Variants in PALLD observed in about 807,000 individuals in gnomAD.
PALLD encodes palladin.
A neutral mutation model predicts 123.5 loss-of-function variants in PALLD; 61 were observed. The observed-to-expected ratio is 0.49, with a 90% CI of 0.40 to 0.61. The LOEUF (loss-of-function observed/expected upper bound fraction) is 0.61, where lower values mean the gene tolerates loss of function less well. Among genes scored for constraint, PALLD ranks in the 20% least tolerant of loss-of-function variants. The probability of loss-of-function intolerance (pLI) is 0.00; values close to 1 mark genes in which losing one functional copy is unlikely to be tolerated. For synonymous variants in PALLD, 465 were observed against 496.4 expected (o/e 0.94, Z 0.84); for missense variants, 1,273 against 1,377.0 (o/e 0.92, Z 1.20).
At chr4:168,870,998 A>C (rs1335595440) in intron 10 of PALLD, among the ~76,000 whole-genome samples, 1 of 152,220 alleles carries the variant, frequency 6.6e-6, no homozygotes, top group Non-Finnish European at 1.5e-5. Context: ...CTTCCCTGTG[A>C]GTAAAGAGGA....
rs115880252 is a variant in PALLD at position 168,560,076 on chromosome 4, T to A, written c.908+47664T>A. On this transcript the variant is annotated intron_variant, in intron 2 of 21. Coordinates refer to ENST00000505667, the MANE Select transcript of PALLD (RefSeq NM_001166108.2). ...GAAGTAATTCAAGGTACCCTCAATA[T>A]ATGCTGTCAGGTAGAGTATAAAGGG... Among the ~76,000 whole-genome samples, 331 of 152,304 alleles carry A rather than the reference T, an allele frequency of 2.2e-3. 2 individuals are homozygous for A. Among genetic ancestry groups the A allele is most frequent in the African/African-American group, 7.7e-3 (322 of 41,550 alleles).
intron 8 of PALLD, among the ~76,000 whole-genome samples, chr4:168,702,221 C>T (rs1783744007): frequency 6.6e-6 from 1 of 152,074 alleles, no homozygotes; most frequent in South Asian, 2.1e-4. Context: ...AAAAAAAGAA[C>T]ATCAGCTCTA....
chr4:168,792,541 G>C (rs1247031903), intron 10 of PALLD, among the ~76,000 whole-genome samples: 1 of 151,740 alleles, frequency 6.6e-6, no homozygotes. Flanking sequence ...ACTCCAAGAA[G>C]CTTTCCTTCG....
chr4:168,499,286 GGGAGGGAGGATGGGAGGGAGGAA>G, intron 1 of PALLD, among the ~76,000 whole-genome samples: 1 of 73,838 alleles, frequency 1.4e-5, no homozygotes, highest in South Asian at 4.7e-4. Flanking sequence ...GAGGGAGGAT[GGGAGGGAGGATGGGAGGGAGGAA>G]GGGAGGGAGA....
At chr4:168,625,514 T>G (rs76130296) in intron 2 of PALLD, among the ~76,000 whole-genome samples, 910 of 45,066 alleles carry the variant, frequency 0.02, 38 homozygotes, top group Middle Eastern at 0.1. Context: ...TATATATATA[T>G]ATATCCTATA....
chr4:168,828,651 T>C lies in PALLD; in HGVS notation c.1965-62271T>C, dbSNP rs56269921. On this transcript the variant is annotated intron_variant, in intron 10 of 21. Transcript: ENST00000505667. ...CACTATTTTCATTGTGAGAAAAATA[T>C]GAAAAGGAATGATTTGAAGGTTACT... Among the ~76,000 whole-genome samples the C allele has an allele frequency of 7.1e-3, 1,088 of 152,388 alleles. 8 individuals are homozygous for C. Among genetic ancestry groups the C allele is most frequent in the African/African-American group, 0.025 (1,042 of 41,590 alleles).
intron 10 of PALLD, among the ~76,000 whole-genome samples, chr4:168,859,310 C>A (rs1247133560): frequency 6.6e-6 from 1 of 152,140 alleles, no homozygotes; most frequent in East Asian, 1.9e-4. Flanking sequence ...ACAACTGTGG[C>A]CTTGTAGTTG....
chr4:168,908,128 G>A (rs914701270), intron 15 of PALLD, among the ~76,000 whole-genome samples: 1 of 152,176 alleles, frequency 6.6e-6, no homozygotes, highest in African/African-American at 2.4e-5. Flanking sequence ...CCAAGTTTCT[G>A]AGCATGTTGC....
At chr4:168,547,412 T>A (rs1356514084) in intron 2 of PALLD, among the ~76,000 whole-genome samples, 1 of 151,886 alleles carries the variant, frequency 6.6e-6, no homozygotes, top group African/African-American at 2.4e-5. Flanking sequence ...TGGAGCCCTC[T>A]GGGGTAACTG....
chr4:168,551,013 CCAGTGA>C (rs1480278080), intron 2 of PALLD, among the ~76,000 whole-genome samples: 1 of 152,192 alleles, frequency 6.6e-6, no homozygotes, highest in African/African-American at 2.4e-5. Flanking sequence ...TTTTATAAAT[CCAGTGA>C]CAAAGTTTAG....
intron 2 of PALLD, among the ~76,000 whole-genome samples, chr4:168,640,697 C>T (rs1776851885): frequency 6.6e-6 from 1 of 152,224 alleles, no homozygotes; most frequent in African/African-American, 2.4e-5. Context: ...TTATAAATCA[C>T]TTATCTCCAT....
At chr4:168,892,605 A>C (rs1199088667) in intron 11 of PALLD, among the ~76,000 whole-genome samples, 7 of 152,176 alleles carry the variant, frequency 4.6e-5, no homozygotes, top group Non-Finnish European at 5.9e-5. Flanking sequence ...GAAATAAGTG[A>C]TTGCATGTGT....
intron 2 of PALLD, among the ~76,000 whole-genome samples, chr4:168,624,000 T>C (rs1298280999): frequency 1.3e-5 from 2 of 152,168 alleles, no homozygotes; most frequent in Admixed American, 1.3e-4. Context: ...TATCTCCATA[T>C]TATCTAACAT....
chr4:168,712,125 C>T (rs1784889610), intron 10 of PALLD: 2 of 615,914 alleles, frequency 3.2e-6, no homozygotes, highest in African/African-American at 1.8e-5. Flanking sequence ...GTGAAATCTG[C>T]CCTTTGCTGA....
chr4:168,765,564 C>A (rs1219905668), intron 10 of PALLD, among the ~76,000 whole-genome samples: 1 of 152,194 alleles, frequency 6.6e-6, no homozygotes, highest in East Asian at 1.9e-4. Context: ...CGTTCATGGA[C>A]AAGAAGTTCA....
chr4:168,762,452 G>A (rs1167300665), intron 10 of PALLD, among the ~76,000 whole-genome samples: 2 of 152,200 alleles, frequency 1.3e-5, no homozygotes, highest in East Asian at 1.9e-4. Flanking sequence ...CAGCCTGGGC[G>A]ACTGGAGTGA....
At chr4:168,885,666 G>C (rs932188302) in intron 10 of PALLD, among the ~76,000 whole-genome samples, 1 of 152,218 alleles carries the variant, frequency 6.6e-6, no homozygotes, top group Non-Finnish European at 1.5e-5. Flanking sequence ...TGGAGCTCAT[G>C]CTTGTTGAAG....
At chr4:168,737,037 G>A (rs996263059) in intron 10 of PALLD, among the ~76,000 whole-genome samples, 3 of 152,196 alleles carry the variant, frequency 2.0e-5, no homozygotes, top group Non-Finnish European at 2.9e-5. Flanking sequence ...ACCTTTTGGA[G>A]CACAATTGGA....
At chr4:168,849,917 A>T in intron 10 of PALLD, among the ~76,000 whole-genome samples, 1 of 152,174 alleles carries the variant, frequency 6.6e-6, no homozygotes, top group East Asian at 1.9e-4. Flanking sequence ...CCATTAAAAG[A>T]GATGCCAGGC....
Sources: gnomAD v4.1 joint callset for allele counts (sites outside exome capture counted in the v4.1 genomes callset) on GRCh38, gnomAD v4.1.1 for gene constraint, MANE v1.5 for transcripts, NCBI Gene and HGNC (gene_info 2026-07-23, HGNC 2026-07-21) for gene names.